GOLGA8Q: variants seen among roughly 807,000 people sequenced by gnomAD.
The protein encoded by GOLGA8Q is golgin A8 family member Q, also known as golgin subfamily A member 8Q.
Under a neutral mutation model 48.7 loss-of-function variants are expected in GOLGA8Q, and 3 were observed. The ratio of observed to expected loss-of-function variants is 0.06; its 90% CI spans 0.03 to 0.16. GOLGA8Q has a LOEUF of 0.16. GOLGA8Q is among the 10% of genes least tolerant of loss of function. The pLI is 1.00. For missense variants in GOLGA8Q, 49 were observed against 364.3 expected (o/e 0.13, Z 7.05); for synonymous variants, 22 against 138.2 (o/e 0.16, Z 5.90).
In GOLGA8Q at chr15:30,555,657, T is replaced by C. The variant is rs1243493193; in HGVS notation, c.310-317T>C. Among the ~76,000 whole-genome samples, 249 of 103,120 alleles carry C rather than the reference T, an allele frequency of 2.4e-3. 1 individual carries two copies. The highest frequency in any genetic ancestry group is 0.018 in the East Asian group (88 of 4,860). The allele number at this position is 103,120 out of a possible 152,430, so 67.7% of individuals were successfully genotyped here. A position where few individuals can be genotyped will look rare whatever the true frequency, so the allele number is the denominator to read the frequency against. The stretch of plus-strand genomic sequence containing the variant: ...CCCATACGTGCTCAGTAAGTGTTTA[T>C]TGAATGAACCCACTTTTCTAAATCA... On this transcript the variant is annotated intron_variant, in intron 4 of 18. Coordinates refer to ENST00000562783, the MANE Select transcript of GOLGA8Q (RefSeq NM_001355476.2).
chr15:30,559,765 C>A (rs546368963), intron 13 of GOLGA8Q, among the ~76,000 whole-genome samples: 3 of 147,836 alleles, frequency 2.0e-5, no homozygotes, highest in Non-Finnish European at 4.5e-5. Context: ...GGCTGAGGCA[C>A]GAGAATTGCT....
At chr15:30,554,325 G>A (rs926690691) in intron 2 of GOLGA8Q, among the ~76,000 whole-genome samples, 6 of 121,138 alleles carry the variant, frequency 5.0e-5, no homozygotes, top group Non-Finnish European at 6.8e-5. Flanking sequence ...AGGAATTCTG[G>A]GTTTGAATCC....
Position 30,560,688 on chromosome 15 carries a change from G to A in GOLGA8Q, c.1276+77G>A. ...ACTGCTAGCAGCATAGGATTGAGGA[G>A]TTGGAAGAGACCTTTAGAGCAGCTG... On this transcript the variant is annotated intron_variant, in intron 14 of 18. Coordinates refer to ENST00000562783, the MANE Select transcript of GOLGA8Q (RefSeq NM_001355476.2). 3 of 701,528 alleles carry A rather than the reference G, an allele frequency of 4.3e-6. 1 individual carries two copies. The highest frequency in any genetic ancestry group is 6.4e-6 in the Non-Finnish European group (3 of 467,270). The allele number at this position is 701,528 out of a possible 1,614,324, so 43.5% of individuals were successfully genotyped here.
At chr15:30,555,167 G>C (rs1244123117) in intron 4 of GOLGA8Q, 45 bp downstream of exon 4, 1 of 349,548 alleles carries the variant, frequency 2.9e-6, no homozygotes, top group South Asian at 2.5e-5. Context: ...GCCAATCCTG[G>C]GCTCCAGTTT....
At chr15:30,559,714 A>T (rs2059667384) in intron 13 of GOLGA8Q, among the ~76,000 whole-genome samples, 1 of 151,282 alleles carries the variant, frequency 6.6e-6, no homozygotes, top group African/African-American at 2.4e-5. Context: ...AAAAATTAGC[A>T]GGGCATTGTG....
At position 30,559,197 on chromosome 15, in the gene GOLGA8Q, G is replaced by T. The variant is rs2059662304; in HGVS notation, c.1132-26G>T. 3.5e-6 allele frequency: 4 copies of T among 1,129,366 alleles called. 2 individuals carry two copies. The highest frequency in any genetic ancestry group is 4.2e-5 in the Admixed American group (2 of 48,094). The allele number at this position is 1,129,366 out of a possible 1,614,324, so 70.0% of individuals were successfully genotyped here. A position where few individuals can be genotyped will look rare whatever the true frequency, so the allele number is the denominator to read the frequency against. On this transcript the variant is annotated intron_variant, in intron 12 of 18. Coordinates refer to ENST00000562783, the MANE Select transcript of GOLGA8Q (RefSeq NM_001355476.2). ...CTGGGGTCTCCAGCTGCAGTGGGTG[G>T]CTGCTGATTGTTTCTCTCTGTCCAG...
intron 2 of GOLGA8Q, 134 bp from the exon 3 acceptor site, chr15:30,554,666 CA>C: frequency 5.7e-6 from 1 of 176,666 alleles, no homozygotes; most frequent in African/African-American, 2.1e-4. Context: ...GAAGTTGGCA[CA>C]AAGGAGTTAT....
Position 30,560,594 on chromosome 15 carries a change from T to C in GOLGA8Q, c.1259T>C (p.Met420Thr), listed in dbSNP as rs773394436. The change falls in exon 14 of 19, where the codon ATG becomes ACG. Residue 420 changes from methionine (M) to threonine (T), a missense_variant. By Grantham distance (81) the Met-to-Thr change is moderately conservative. Coordinates refer to ENST00000562783, the MANE Select transcript of GOLGA8Q (RefSeq NM_001355476.2). ...CAGCTAACGGCCCAGCTGAACCTCATGGCTCTCCCTGGGGAAGGTACGGGA... is the reference window on the plus strand; with the variant it reads ...CAGCTAACGGCCCAGCTGAACCTCACGGCTCTCCCTGGGGAAGGTACGGGA... ...NQQLTAQLNL[M>T]ALPGEGHGGE... 1.8e-6 allele frequency: 2 copies of C among 1,131,330 alleles called. No individual in the cohort carries two copies. The highest frequency in any genetic ancestry group is 2.4e-6 in the Non-Finnish European group (2 of 835,254). The allele number at this position is 1,131,330 out of a possible 1,614,324, so 70.1% of individuals were successfully genotyped here.
chr15:30,560,608 G>T lies in GOLGA8Q; in HGVS notation c.1273G>T (p.Glu425Ter). The T allele has an allele frequency of 1.8e-6, 2 of 1,129,080 alleles. 1 individual carries two copies. The highest frequency in any genetic ancestry group is 4.7e-5 in the East Asian group (2 of 42,754). 69.9% of individuals were successfully genotyped at this position (1,129,080 alleles called of 1,614,324 possible). Reference protein sequence around the residue: ...AQLNLMALPGEGHGGEHLDSE... With the variant: ...AQLNLMALPG ...GCTGAACCTCATGGCTCTCCCTGGG[G>T]AAGGTACGGGAGACCGCTCAGAGGA... Residue 425 changes from glutamate (E) to a stop codon, truncating the protein, a stop_gained, in exon 14 of 19, where the codon GAA becomes TAA. Transcript: ENST00000562783. LOFTEE classifies it high-confidence loss of function.
Position 30,558,079 on chromosome 15 carries a change from C to A in GOLGA8Q, c.786+28C>A. 1.9e-6 allele frequency: 2 copies of A among 1,038,592 alleles called. 1 individual carries two copies. The highest frequency in any genetic ancestry group is 2.7e-6 in the Non-Finnish European group (2 of 744,180). 64.3% of individuals were successfully genotyped at this position (1,038,592 alleles called of 1,614,324 possible). A position where few individuals can be genotyped will look rare whatever the true frequency, so the allele number is the denominator to read the frequency against. On this transcript the variant is annotated intron_variant, in intron 10 of 18. Coordinates refer to ENST00000562783, the MANE Select transcript of GOLGA8Q (RefSeq NM_001355476.2). ...GAGATCTGACCCTTCAGCCCCCCCA[C>A]ATTAGATAGGGCACTGGATCTTTCT...
intron 2 of GOLGA8Q, among the ~76,000 whole-genome samples, chr15:30,554,237 G>T (rs2059628346): frequency 8.6e-6 from 1 of 116,934 alleles, no homozygotes; most frequent in African/African-American, 3.9e-5. Context: ...CTGGGAGGTG[G>T]AGCTTGCAGT....
rs2059697100 is a variant in GOLGA8Q at position 30,564,255 on chromosome 15, CA to C, written c.*1755del. Among the ~76,000 whole-genome samples, 1 of 57,244 alleles carries C rather than the reference CA, an allele frequency of 1.7e-5. No individual in the cohort carries two copies. Among genetic ancestry groups the C allele is most frequent in the South Asian group, 5.5e-4 (1 of 1,832 alleles). The allele number at this position is 57,244 out of a possible 152,430, so 37.6% of individuals were successfully genotyped here. A position where few individuals can be genotyped will look rare whatever the true frequency, so the allele number is the denominator to read the frequency against. Reference sequence around the variant, plus strand: ...GTTACTAGATCATCTCCATTTTTAGCATTTGGCATCCTCATGATACTTCTAT... The same window carrying C: ...GTTACTAGATCATCTCCATTTTTAGCTTTGGCATCCTCATGATACTTCTAT... On this transcript the variant is annotated 3_prime_UTR_variant, in exon 19 of 19. Coordinates refer to ENST00000562783, the MANE Select transcript of GOLGA8Q (RefSeq NM_001355476.2).
chr15:30,557,824 C>G lies in GOLGA8Q; in HGVS notation c.665C>G (p.Ala222Gly), dbSNP rs559472348. 2.6e-6 allele frequency: 4 copies of G among 1,567,516 alleles called. No individual in the cohort carries two copies. The South Asian group carries it at 4.5e-5, about 18-fold the overall frequency. Residue 222 changes from alanine (A) to glycine (G), a missense_variant, in exon 9 of 19, where the codon GCG becomes GGG. By Grantham distance (60) the Ala-to-Gly change is moderately conservative (BLOSUM62 0). Transcript: ENST00000562783. ...CTACAGGACCAGGCACTGCTGAAAG[C>G]GCAGCTGACACAGGTGAGGTTTTCC... Reference protein sequence around the residue: ...QSLQDQALLKAQLTQLKESFQ... With the variant: ...QSLQDQALLKGQLTQLKESFQ...
chr15:30,561,888 G>T lies in GOLGA8Q; in HGVS notation c.1470-4G>T. ...CCCAGAATCTGAGCCCTGTCCTCCC[G>T]CAGGAAAATCCATCACCTTTTATCA... On this transcript the variant is annotated splice_polypyrimidine_tract_variant and splice_region_variant and intron_variant, in intron 16 of 18. Transcript: ENST00000562783. 1 of 610,702 alleles carries T rather than the reference G, an allele frequency of 1.6e-6. No homozygotes were observed. Among genetic ancestry groups the T allele is most frequent in the Admixed American group, 2.9e-5 (1 of 34,338 alleles). 37.8% of individuals were successfully genotyped at this position (610,702 alleles called of 1,614,324 possible).
At chr15:30,559,697 A>T (rs1348995366) in intron 13 of GOLGA8Q, among the ~76,000 whole-genome samples, 3 of 151,320 alleles carry the variant, frequency 2.0e-5, no homozygotes. Context: ...ACTAAAATTA[A>T]AAAAAAAAAA....
At chr15:30,556,040 TG>T (rs772881435) in intron 5 of GOLGA8Q, 28 bp downstream of exon 5, 1 of 1,106,486 alleles carries the variant, frequency 9.0e-7, no homozygotes, top group Non-Finnish European at 1.2e-6. Flanking sequence ...CCTCGCAACA[TG>T]ACTGCTGGGT....
intron 4 of GOLGA8Q, among the ~76,000 whole-genome samples, chr15:30,555,473 C>T (rs2059636121): frequency 9.8e-6 from 1 of 101,716 alleles, no homozygotes; most frequent in Non-Finnish European, 2.1e-5. Context: ...GCCACCTCTC[C>T]TTTTTGGGCT....
At position 30,564,032 on chromosome 15, in the gene GOLGA8Q, A is replaced by G. The variant is rs1313192026; in HGVS notation, c.*1531A>G. On this transcript the variant is annotated 3_prime_UTR_variant, in exon 19 of 19. Transcript: ENST00000562783. ...TTTCTGTTCGGGACATATTTTGTGC[A>G]ATATTTATGTGATTGTGCCTATGCA... 4.7e-4 allele frequency among the ~76,000 whole-genome samples: 48 copies of G among 101,414 alleles called. No individual in the cohort carries two copies. The highest frequency in any genetic ancestry group is 1.5e-3 in the South Asian group (5 of 3,422). The allele number at this position is 101,414 out of a possible 152,430, so 66.5% of individuals were successfully genotyped here.
intron 4 of GOLGA8Q, 58 bp from the exon 5 acceptor site, chr15:30,555,916 T>G: frequency 2.0e-6 from 2 of 1,012,264 alleles, no homozygotes; most frequent in East Asian, 4.8e-5. Context: ...CGCTTCCTGA[T>G]CTGGGGAATA....
Sources: allele counts gnomAD v4.1 joint callset (sites outside exome capture counted in the v4.1 genomes callset), GRCh38; gene constraint gnomAD v4.1.1; transcripts MANE v1.5; gene names NCBI Gene and HGNC (gene_info 2026-07-23, HGNC 2026-07-21).